Variants in CPA6 observed in about 807,000 individuals in gnomAD.
The protein encoded by CPA6 is carboxypeptidase B.
In CPA6, 58 loss-of-function variants were observed where a neutral mutation model predicts 63.3. The ratio of observed to expected loss-of-function variants is 0.92; its 90% CI spans 0.74 to 1.14. The LOEUF (loss-of-function observed/expected upper bound fraction) is 1.14. Among genes scored for constraint, CPA6 ranks in the 50% most tolerant of loss-of-function variants. The pLI is 0.00. For missense variants in CPA6, 565 were observed against 526.6 expected, an observed-to-expected ratio of 1.07 and a Z score of -0.71; for synonymous variants, 185 against 179.0, an observed-to-expected ratio of 1.03 and a Z score of -0.27.
intron 8 of CPA6, among the ~76,000 whole-genome samples, chr8:67,448,042 C>G (rs1810469762): frequency 6.6e-6 from 1 of 152,228 alleles, no homozygotes; most frequent in Non-Finnish European, 1.5e-5. Context: ...GCCTCAGCCT[C>G]CCAAAGTGCT....
chr8:67,427,191 C>A (rs1373155046), intron 10 of CPA6, among the ~76,000 whole-genome samples: 1 of 152,180 alleles, frequency 6.6e-6, no homozygotes, highest in East Asian at 1.9e-4. Context: ...GAATTCAAGG[C>A]TGCAGTGGAC....
At chr8:67,509,467 T>A in intron 5 of CPA6, 50 bp downstream of exon 5, 1 of 865,036 alleles carries the variant, frequency 1.2e-6, no homozygotes, top group Non-Finnish European at 1.9e-6. Context: ...TTGAAAAAGA[T>A]GGATATTTGG....
intron 1 of CPA6, among the ~76,000 whole-genome samples, chr8:67,650,778 T>C (rs1815818753): frequency 6.6e-6 from 1 of 152,176 alleles, no homozygotes; most frequent in Non-Finnish European, 1.5e-5. Context: ...CACTTGCCTA[T>C]ACTCTTGTCG....
chr8:67,527,850 T>G (rs2128968370), intron 2 of CPA6, among the ~76,000 whole-genome samples: 1 of 152,338 alleles, frequency 6.6e-6, no homozygotes, highest in African/African-American at 2.4e-5. Context: ...CCATTTTCCT[T>G]CACATTAATT....
chr8:67,740,507 T>C (rs1227402034), intron 1 of CPA6, among the ~76,000 whole-genome samples: 1 of 152,214 alleles, frequency 6.6e-6, no homozygotes, highest in Non-Finnish European at 1.5e-5. Flanking sequence ...ACAATCCTTT[T>C]GTCTTCAGTA....
intron 8 of CPA6, among the ~76,000 whole-genome samples, chr8:67,439,517 A>C (rs192495019): frequency 4.0e-4 from 60 of 151,872 alleles, no homozygotes; most frequent in African/African-American, 1.3e-3. Context: ...TGAACCCAGG[A>C]GGCAGAGGTT....
intron 2 of CPA6, among the ~76,000 whole-genome samples, chr8:67,616,722 C>T (rs567595012): frequency 9.9e-5 from 15 of 152,104 alleles, no homozygotes; most frequent in Middle Eastern, 3.4e-3. Flanking sequence ...TGACATTTAC[C>T]GAGTACTCTA....
chr8:67,665,181 C>CA (rs1816200267), intron 1 of CPA6, among the ~76,000 whole-genome samples: 1 of 152,134 alleles, frequency 6.6e-6, no homozygotes, highest in South Asian at 2.1e-4. Context: ...AAAAACAAAA[C>CA]AAAACAAAAC....
At chr8:67,543,774 C>CTATTATTATTATTATTAT (rs56764745) in intron 2 of CPA6, among the ~76,000 whole-genome samples, 324 of 146,844 alleles carry the variant, frequency 2.2e-3, no homozygotes, top group East Asian at 7.8e-3. Flanking sequence ...TCCCCCTCCA[C>CTATTATTATTATTATTAT]TATTATTATT....
Position 67,709,166 on chromosome 8 carries a change from G to A in CPA6, c.116+36848C>T, listed in dbSNP as rs143276508. Among the ~76,000 whole-genome samples, 459 of 152,268 alleles carry A rather than the reference G, an allele frequency of 3.0e-3. 3 individuals are homozygous for A. Among genetic ancestry groups the A allele is most frequent in the South Asian group, 0.011 (55 of 4,820 alleles). ...AGCACAACCTCAGTAAGCACACTGC[G>A]TATGCGGCCCCTGTCACATGCTAGC... On this transcript the variant is annotated intron_variant, in intron 1 of 10. Coordinates refer to ENST00000297770, the MANE Select transcript of CPA6 (RefSeq NM_020361.5).
At chr8:67,433,944 CAT>C (rs1810084652) in intron 9 of CPA6, 92 bp downstream of exon 9, 10 of 815,154 alleles carry the variant, frequency 1.2e-5, no homozygotes, top group South Asian at 7.7e-5. Flanking sequence ...TAAACACAAA[CAT>C]GTGTTTGCCA....
At chr8:67,713,760 T>C (rs987448147) in intron 1 of CPA6, among the ~76,000 whole-genome samples, 2 of 152,128 alleles carry the variant, frequency 1.3e-5, no homozygotes, top group Middle Eastern at 3.2e-3. Flanking sequence ...CCTCATTTAG[T>C]TTTTCTTTAA....
At chr8:67,639,763 G>A (rs1815547713) in intron 1 of CPA6, among the ~76,000 whole-genome samples, 1 of 151,508 alleles carries the variant, frequency 6.6e-6, no homozygotes, top group Non-Finnish European at 1.5e-5. Context: ...CCCACCATTT[G>A]GCAGGTCCTG....
At chr8:67,741,989 T>C (rs369179954) in intron 1 of CPA6, among the ~76,000 whole-genome samples, 71 of 152,240 alleles carry the variant, frequency 4.7e-4, no homozygotes, top group African/African-American at 1.4e-3. Flanking sequence ...TAATTTGATG[T>C]GTAGGCAATT....
At chr8:67,630,048 T>G (rs1247848120) in intron 1 of CPA6, among the ~76,000 whole-genome samples, 1 of 151,646 alleles carries the variant, frequency 6.6e-6, no homozygotes, top group Non-Finnish European at 1.5e-5. Context: ...GAACTTGTAG[T>G]GAGCCGAGAT....
chr8:67,440,476 T>C (rs1208480128), intron 8 of CPA6, among the ~76,000 whole-genome samples: 1 of 152,026 alleles, frequency 6.6e-6, no homozygotes, highest in East Asian at 1.9e-4. Flanking sequence ...GAGGCTGAGG[T>C]GTGAGAATCG....
At chr8:67,679,148 T>C (rs1010077522) in intron 1 of CPA6, among the ~76,000 whole-genome samples, 15 of 152,250 alleles carry the variant, frequency 9.9e-5, no homozygotes, top group African/African-American at 3.6e-4. Context: ...GTATACGTTC[T>C]GAGGAGTCAT....
At position 67,713,099 on chromosome 8, in the gene CPA6, GTATATA is replaced by G. The variant is rs67842734; in HGVS notation, c.116+32909_116+32914del. On this transcript the variant is annotated intron_variant, in intron 1 of 10. Transcript: ENST00000297770. ...TGTGTGTGTATGTGTGTGTGTGTGT[GTATATA>G]TATATATATATATATATATATATAT... Among the ~76,000 whole-genome samples the G allele has an allele frequency of 5.5e-3, 304 of 55,026 alleles. 2 individuals carry two copies. The highest frequency in any genetic ancestry group is 0.018 in the African/African-American group (249 of 13,496). 36.1% of individuals were successfully genotyped at this position (55,026 alleles called of 152,430 possible).
At chr8:67,633,888 C>A (rs376280343) in intron 1 of CPA6, among the ~76,000 whole-genome samples, 1 of 115,056 alleles carries the variant, frequency 8.7e-6, no homozygotes, top group East Asian at 2.2e-4. Flanking sequence ...ATCCTTCTCC[C>A]CCCAAATGTT....
Sources: gnomAD v4.1 joint callset for allele counts (sites outside exome capture counted in the v4.1 genomes callset) on GRCh38, gnomAD v4.1.1 for gene constraint, MANE v1.5 for transcripts, NCBI Gene and HGNC (gene_info 2026-07-23, HGNC 2026-07-21) for gene names.